Variants in ELMOD1 observed in about 807,000 individuals in gnomAD.
ELMOD1 encodes the protein ELMO domain-containing protein 1.
Under a neutral mutation model 46.7 loss-of-function variants are expected in ELMOD1, and 21 were observed. That is an observed-to-expected ratio of 0.45 (90% confidence interval 0.32 to 0.65). ELMOD1 has a LOEUF of 0.65. Among genes scored for constraint, ELMOD1 ranks in the 30% least tolerant of loss-of-function variants. The pLI is 0.04. For missense variants in ELMOD1, 348 were observed against 407.8 expected, an observed-to-expected ratio of 0.85 and a Z score of 1.26; for synonymous variants, 122 against 138.2, an observed-to-expected ratio of 0.88 and a Z score of 0.82.
chr11:107,596,014 G>A (rs1865486997), intron 1 of ELMOD1, among the ~76,000 whole-genome samples: 3 of 152,012 alleles, frequency 2.0e-5, no homozygotes, highest in African/African-American at 7.2e-5. Flanking sequence ...CCTAAGGAGA[G>A]CTTGTTAAGC....
intron 2 of ELMOD1, among the ~76,000 whole-genome samples, chr11:107,628,618 T>C (rs1340273672): frequency 6.6e-6 from 1 of 151,722 alleles, no homozygotes; most frequent in Admixed American, 6.6e-5. Context: ...TATATTTGAC[T>C]AGAACAGTTG....
intron 1 of ELMOD1, among the ~76,000 whole-genome samples, chr11:107,616,086 C>T (rs1173764801): frequency 6.7e-6 from 1 of 149,340 alleles, no homozygotes; most frequent in Non-Finnish European, 1.5e-5. Context: ...ACCTCTGCCT[C>T]CCAGGTTCAA....
chr11:107,645,854 A>G (rs1866419229), intron 6 of ELMOD1, among the ~76,000 whole-genome samples: 1 of 152,226 alleles, frequency 6.6e-6, no homozygotes, highest in African/African-American at 2.4e-5. Context: ...AATGTATAAA[A>G]TAACATTAGT....
At chr11:107,662,822 G>T (rs921639993) in intron 11 of ELMOD1, among the ~76,000 whole-genome samples, 15 of 151,778 alleles carry the variant, frequency 9.9e-5, no homozygotes, top group Admixed American at 8.5e-4. Flanking sequence ...AACCTGGGAG[G>T]TGGAGGCTGC....
At chr11:107,620,183 G>A (rs1865925144) in intron 2 of ELMOD1, 1 of 152,166 alleles carries the variant, frequency 6.6e-6, no homozygotes, top group Non-Finnish European at 1.5e-5. Flanking sequence ...TTTTCACTGG[G>A]AAGAATTCAG....
rs748603215 is a variant in ELMOD1 at position 107,618,170 on chromosome 11, G to C, written c.-20G>C. On this transcript the variant is annotated 5_prime_UTR_variant, in exon 2 of 12. Transcript: ENST00000265840. The stretch of plus-strand genomic sequence containing the variant: ...CTTGAGGACAGTTCATATAGCATCT[G>C]GACAGTCAACACGGGCACCATGAAG... The C allele has an allele frequency of 3.2e-6, 5 of 1,566,272 alleles. No individual in the cohort carries two copies. In the South Asian group the frequency reaches 5.9e-5, roughly 18 times the overall value.
At chr11:107,619,626 G>A (rs1183022511) in intron 2 of ELMOD1, among the ~76,000 whole-genome samples, 3 of 152,204 alleles carry the variant, frequency 2.0e-5, no homozygotes, top group Non-Finnish European at 4.4e-5. Flanking sequence ...AAAAACTTGA[G>A]CAGCCTCAAA....
chr11:107,660,378 G>A (rs187630380), intron 11 of ELMOD1, among the ~76,000 whole-genome samples: 58 of 152,256 alleles, frequency 3.8e-4, no homozygotes, highest in African/African-American at 1.3e-3. Context: ...AGCTGCCAAG[G>A]TACTATGTTA....
chr11:107,649,192 T>C lies in ELMOD1; in HGVS notation c.555-1143T>C, dbSNP rs115567203. On this transcript the variant is annotated intron_variant, in intron 7 of 11. Transcript: ENST00000265840. ...TTTCAAATAACTGGGACAATTGGCC[T>C]TCCATTGAGAAAAATAAATTAAATC... Among the ~76,000 whole-genome samples, 409 of 152,300 alleles carry C rather than the reference T, an allele frequency of 2.7e-3. 1 individual carries two copies. Among genetic ancestry groups the C allele is most frequent in the African/African-American group, 9.3e-3 (386 of 41,572 alleles).
chr11:107,625,331 C>A, intron 2 of ELMOD1: 1 of 908,088 alleles, frequency 1.1e-6, no homozygotes, highest in Non-Finnish European at 1.3e-6. Context: ...GTGGTTTGAA[C>A]CAAGAACTGT....
intron 9 of ELMOD1, among the ~76,000 whole-genome samples, chr11:107,651,478 T>C (rs2135710208): frequency 6.6e-6 from 1 of 152,268 alleles, no homozygotes; most frequent in East Asian, 1.9e-4. Flanking sequence ...ATAGGTTGAG[T>C]TGGGCTTTTT....
chr11:107,604,386 G>A (rs1237196667), intron 1 of ELMOD1, among the ~76,000 whole-genome samples: 2 of 152,168 alleles, frequency 1.3e-5, no homozygotes, highest in Non-Finnish European at 2.9e-5. Context: ...GAATAAAAAT[G>A]TCAGAGTCAG....
intron 1 of ELMOD1, among the ~76,000 whole-genome samples, chr11:107,612,388 AAACT>A (rs1342057677): frequency 5.9e-5 from 9 of 152,322 alleles, no homozygotes; most frequent in African/African-American, 1.9e-4. Flanking sequence ...AAAGGTTGAA[AAACT>A]AACTATTGGA....
In ELMOD1 at chr11:107,630,430, G is replaced by T. The variant is rs369452669; in HGVS notation, c.31G>T (p.Val11Leu). The T allele has an allele frequency of 6.3e-7, 1 of 1,599,608 alleles. No homozygotes were observed. Among genetic ancestry groups the T allele is most frequent in the Non-Finnish European group, 8.5e-7 (1 of 1,172,398 alleles). The change falls in exon 3 of 12, where the codon GTA (valine) becomes TTA (leucine). Residue 11 changes from valine (V) to leucine (L), a missense_variant. Coordinates refer to ENST00000265840, the MANE Select transcript of ELMOD1 (RefSeq NM_018712.4). ...TGTTTTTCACAGAATGTTGATCCAG[G>T]TATGCCTGTATTTTTACTGTAAATT... MKHFLRMLIQ[V>L]CLYFYCKFLW...
chr11:107,641,940 T>G (rs941087639), intron 6 of ELMOD1, among the ~76,000 whole-genome samples: 2 of 38,860 alleles, frequency 5.1e-5, no homozygotes, highest in Admixed American at 5.4e-4. Context: ...GAGCTTACTC[T>G]TTTTTTTTTT....
chr11:107,602,425 C>T (rs1417577440), intron 1 of ELMOD1, among the ~76,000 whole-genome samples: 7 of 152,132 alleles, frequency 4.6e-5, no homozygotes, highest in African/African-American at 1.2e-4. Flanking sequence ...CCAACATTCT[C>T]GCTTTTCTTT....
At chr11:107,594,803 A>G (rs1275252543) in intron 1 of ELMOD1, among the ~76,000 whole-genome samples, 1 of 152,210 alleles carries the variant, frequency 6.6e-6, no homozygotes, top group African/African-American at 2.4e-5. Context: ...TTCTGATTTG[A>G]TCCAGCTATC....
At chr11:107,636,986 G>A (rs1866240318) in intron 6 of ELMOD1, among the ~76,000 whole-genome samples, 1 of 152,196 alleles carries the variant, frequency 6.6e-6, no homozygotes, top group Non-Finnish European at 1.5e-5. Flanking sequence ...GAATAGCTGA[G>A]GTTCCCTCAG....
intron 1 of ELMOD1, among the ~76,000 whole-genome samples, chr11:107,606,051 C>G (rs1865680004): frequency 6.6e-6 from 1 of 152,154 alleles, no homozygotes; most frequent in Non-Finnish European, 1.5e-5. Flanking sequence ...CTTTCCTTCT[C>G]TTTCTTTCCT....
Sources: gnomAD v4.1 joint callset for allele counts (sites outside exome capture counted in the v4.1 genomes callset) on GRCh38, gnomAD v4.1.1 for gene constraint, MANE v1.5 for transcripts, NCBI Gene and HGNC (gene_info 2026-07-23, HGNC 2026-07-21) for gene names.